The following NKAIN3 variants were observed in gnomAD, a reference collection of about 807,000 sequenced individuals.
NKAIN3 encodes sodium/potassium transporting ATPase interacting 3, also known as sodium/potassium-transporting ATPase subunit beta-1-interacting protein 3.
A neutral mutation model predicts 30.2 loss-of-function variants in NKAIN3; 25 were observed. The observed-to-expected ratio is 0.83, with a 90% CI of 0.60 to 1.16. The LOEUF (loss-of-function observed/expected upper bound fraction) is 1.16, where lower values mean the gene tolerates loss of function less well. NKAIN3 is among the 50% of genes most tolerant of loss of function. The pLI is 0.00. For synonymous variants in NKAIN3, 91 were observed against 89.6 expected, an observed-to-expected ratio of 1.02 and a Z score of -0.09; for missense variants, 225 against 254.1, an observed-to-expected ratio of 0.89 and a Z score of 0.78.
intron 1 of NKAIN3, among the ~76,000 whole-genome samples, chr8:62,436,568 C>A (rs572232350): frequency 1.4e-3 from 214 of 152,226 alleles, no homozygotes; most frequent in African/African-American, 4.8e-3. Flanking sequence ...ATCCATCTTC[C>A]TCTTCTTTTT....
intron 1 of NKAIN3, among the ~76,000 whole-genome samples, chr8:62,423,554 T>C (rs563226659): frequency 6.6e-6 from 1 of 151,826 alleles, no homozygotes; most frequent in Admixed American, 6.6e-5. Flanking sequence ...TTCTCTTTTC[T>C]GTTATTGGCA....
intron 4 of NKAIN3, among the ~76,000 whole-genome samples, chr8:62,844,753 G>A (rs1819625093): frequency 6.6e-6 from 1 of 152,230 alleles, no homozygotes; most frequent in African/African-American, 2.4e-5. Flanking sequence ...ACAAGAATGA[G>A]AAAGAATTCC....
intron 3 of NKAIN3, among the ~76,000 whole-genome samples, chr8:62,673,469 A>T (rs1297846143): frequency 6.6e-6 from 1 of 152,196 alleles, no homozygotes; most frequent in African/African-American, 2.4e-5. Flanking sequence ...GGGACCAAAG[A>T]GATGGAAGAG....
At chr8:62,843,487 C>T (rs1249982432) in intron 4 of NKAIN3, among the ~76,000 whole-genome samples, 3 of 151,828 alleles carry the variant, frequency 2.0e-5, no homozygotes, top group African/African-American at 4.8e-5. Context: ...CAGGCACATG[C>T]CACCACACCT....
chr8:62,833,330 G>C (rs1220826335), intron 4 of NKAIN3, among the ~76,000 whole-genome samples: 1 of 151,864 alleles, frequency 6.6e-6, no homozygotes, highest in East Asian at 1.9e-4. Flanking sequence ...ACCAAAATCA[G>C]AGCAGAACTG....
At chr8:62,870,530 T>A (rs1345037504) in intron 4 of NKAIN3, among the ~76,000 whole-genome samples, 1 of 136,490 alleles carries the variant, frequency 7.3e-6, no homozygotes, top group East Asian at 2.0e-4. Context: ...TATGTATATA[T>A]GTACAATATG....
chr8:62,366,985 A>G (rs1816758113), intron 1 of NKAIN3, among the ~76,000 whole-genome samples: 1 of 151,856 alleles, frequency 6.6e-6, no homozygotes, highest in Non-Finnish European at 1.5e-5. Flanking sequence ...TCATTTCCAC[A>G]TATTTGTTAA....
At chr8:62,317,628 C>A (rs1006342650) in intron 1 of NKAIN3, among the ~76,000 whole-genome samples, 1 of 152,052 alleles carries the variant, frequency 6.6e-6, no homozygotes, top group Non-Finnish European at 1.5e-5. Flanking sequence ...CTGTTCCATT[C>A]ATCTATATCT....
intron 3 of NKAIN3, among the ~76,000 whole-genome samples, chr8:62,653,258 C>T (rs1284506550): frequency 6.6e-6 from 1 of 152,134 alleles, no homozygotes; most frequent in East Asian, 1.9e-4. Context: ...TTGCAGAGGG[C>T]CACCTTCTGT....
chr8:62,837,475 T>G lies in NKAIN3; in HGVS notation c.472-80978T>G, dbSNP rs1307350353. Reference sequence around the variant, plus strand: ...GGTTTTAGAGTTATCTTAAAGTAATTTTTAATTGTTCTGTGAAAACTTTTT... The same window carrying G: ...GGTTTTAGAGTTATCTTAAAGTAATGTTTAATTGTTCTGTGAAAACTTTTT... On this transcript the variant is annotated intron_variant, in intron 4 of 6. Transcript: ENST00000623646. 2.6e-5 allele frequency among the ~76,000 whole-genome samples: 4 copies of G among 152,156 alleles called. No individual in the cohort carries two copies. In the South Asian group the frequency reaches 8.3e-4, roughly 32 times the overall value.
At chr8:62,674,120 C>T (rs1224080855) in intron 3 of NKAIN3, among the ~76,000 whole-genome samples, 1 of 152,098 alleles carries the variant, frequency 6.6e-6, no homozygotes, top group Non-Finnish European at 1.5e-5. Flanking sequence ...TAATGTCCAC[C>T]CTTCTTAGCA....
intron 5 of NKAIN3, among the ~76,000 whole-genome samples, chr8:62,993,372 T>C (rs1021281123): frequency 2.0e-5 from 3 of 152,190 alleles, no homozygotes; most frequent in East Asian, 1.9e-4. Context: ...TTACCAACAC[T>C]TAAGAAAATT....
intron 3 of NKAIN3, among the ~76,000 whole-genome samples, chr8:62,728,036 T>C (rs1240213546): frequency 6.6e-6 from 1 of 152,174 alleles, no homozygotes. Context: ...TTTGAATTGA[T>C]AAAGGCAATA....
At chr8:62,725,519 C>T (rs1815228000) in intron 3 of NKAIN3, among the ~76,000 whole-genome samples, 1 of 152,092 alleles carries the variant, frequency 6.6e-6, no homozygotes, top group African/African-American at 2.4e-5. Context: ...TTAGATTTAA[C>T]TCTTTAAGCC....
intron 1 of NKAIN3, among the ~76,000 whole-genome samples, chr8:62,540,879 T>C (rs547248245): frequency 6.6e-6 from 1 of 152,338 alleles, no homozygotes; most frequent in East Asian, 1.9e-4. Context: ...TTAGAATCTA[T>C]GTGTCCAAAA....
chr8:62,870,253 T>C (rs1326277080), intron 4 of NKAIN3, among the ~76,000 whole-genome samples: 1 of 104,268 alleles, frequency 9.6e-6, no homozygotes, highest in Non-Finnish European at 1.8e-5. Flanking sequence ...TAGATATCTA[T>C]ATATATATCT....
At chr8:62,281,994 CTT>C (rs35944966) in intron 1 of NKAIN3, among the ~76,000 whole-genome samples, 18 of 149,050 alleles carry the variant, frequency 1.2e-4, no homozygotes, top group East Asian at 3.9e-4. Flanking sequence ...CTCAAGTTAT[CTT>C]TTTTTTTTTT....
At chr8:62,340,815 G>A (rs1815716665) in intron 1 of NKAIN3, among the ~76,000 whole-genome samples, 1 of 151,986 alleles carries the variant, frequency 6.6e-6, no homozygotes, top group Non-Finnish European at 1.5e-5. Context: ...TCCCACAGAT[G>A]GTGGTTTGCT....
At chr8:62,662,557 T>C (rs1812979371) in intron 3 of NKAIN3, among the ~76,000 whole-genome samples, 1 of 152,244 alleles carries the variant, frequency 6.6e-6, no homozygotes, top group Admixed American at 6.5e-5. Flanking sequence ...CATTGATCAT[T>C]AGAATCTTTT....
Sources: gnomAD v4.1 joint callset for allele counts (sites outside exome capture counted in the v4.1 genomes callset) on GRCh38, gnomAD v4.1.1 for gene constraint, MANE v1.5 for transcripts, NCBI Gene and HGNC (gene_info 2026-07-23, HGNC 2026-07-21) for gene names.